The following UCK2 variants were observed in gnomAD, a reference collection of about 807,000 sequenced individuals.
UCK2 encodes the protein cytidine monophosphokinase 2.
A neutral mutation model predicts 30.8 loss-of-function variants in UCK2; 6 were observed. The ratio of observed to expected loss-of-function variants is 0.19; its 90% CI spans 0.11 to 0.38. The LOEUF is 0.38. Ranked by LOEUF, UCK2 falls within the 10% of genes least tolerant of loss-of-function variation. The probability of loss-of-function intolerance (pLI) is 1.00; values close to 1 mark genes in which losing one functional copy is unlikely to be tolerated. For synonymous variants in UCK2, 125 were observed against 133.6 expected, an observed-to-expected ratio of 0.94 and a Z score of 0.45; for missense variants, 210 against 339.8, an observed-to-expected ratio of 0.62 and a Z score of 3.00.
At chr1:165,884,330 C>G (rs55774748) in intron 1 of UCK2, among the ~76,000 whole-genome samples, 6,841 of 152,358 alleles carry the variant, frequency 0.045, 251 homozygotes, top group South Asian at 0.15. Flanking sequence ...TTTCTTCCCT[C>G]TGAGCAGCCC....
chr1:165,863,301 G>A (rs1654965000), intron 1 of UCK2, among the ~76,000 whole-genome samples: 1 of 152,236 alleles, frequency 6.6e-6, no homozygotes, highest in African/African-American at 2.4e-5. Context: ...GCCATTTGTT[G>A]TGAATGGCGT....
At chr1:165,896,433 A>T in intron 4 of UCK2, 101 bp downstream of exon 4, 1 of 1,395,252 alleles carries the variant, frequency 7.2e-7, no homozygotes, top group Non-Finnish European at 9.9e-7. Flanking sequence ...TCTGAAGCCC[A>T]TGCCTTCCCT....
At chr1:165,845,041 C>T (rs574401368) in intron 1 of UCK2, among the ~76,000 whole-genome samples, 1 of 152,244 alleles carries the variant, frequency 6.6e-6, no homozygotes, top group East Asian at 1.9e-4. Context: ...CATGAGAACC[C>T]TGATTTAAAA....
At position 165,909,797 on chromosome 1, in the gene UCK2, A is replaced by T; in HGVS notation, c.*1974A>T. On this transcript the variant is annotated 3_prime_UTR_variant, in exon 7 of 7. Transcript: ENST00000367879. The stretch of plus-strand genomic sequence containing the variant: ...GCCTGGGTTAGTATCCTGAGGACAC[A>T]GGGCCCCTGGCCTTGATGGCACTGG... 1 of 152,492 alleles carries T rather than the reference A, an allele frequency of 6.6e-6. No individual in the cohort carries two copies. The highest frequency in any genetic ancestry group is 1.5e-5 in the Non-Finnish European group (1 of 68,142). The allele number at this position is 152,492 out of a possible 1,614,324, so 9.4% of individuals were successfully genotyped here. A position where few individuals can be genotyped will look rare whatever the true frequency, so the allele number is the denominator to read the frequency against.
chr1:165,856,135 T>C (rs992466766), intron 1 of UCK2, among the ~76,000 whole-genome samples: 2 of 152,212 alleles, frequency 1.3e-5, no homozygotes, highest in African/African-American at 4.8e-5. Context: ...ATAAAAAACA[T>C]TTATTACATA....
rs1463050873 is a variant in UCK2, at chr1:165,907,920, G to C, written c.*97G>C. The C allele has an allele frequency of 6.9e-7, 1 of 1,439,754 alleles. No individual in the cohort carries two copies. The allele number at this position is 1,439,754 out of a possible 1,614,324, so 89.2% of individuals were successfully genotyped here. On this transcript the variant is annotated 3_prime_UTR_variant, in exon 7 of 7. Coordinates refer to ENST00000367879, the MANE Select transcript of UCK2 (RefSeq NM_012474.5). ...ACATACTGTTTCCTATGACATTACT[G>C]TATTTAAGAAAACACCATGGAGATG...
chr1:165,906,020 G>A (rs1328435718), intron 6 of UCK2, 51 bp downstream of exon 6: 2 of 1,575,210 alleles, frequency 1.3e-6, no homozygotes, highest in Non-Finnish European at 1.7e-6. Flanking sequence ...CCCTTTGTCA[G>A]TCATAATTTG....
chr1:165,883,954 T>C (rs1655558718), intron 1 of UCK2, among the ~76,000 whole-genome samples: 1 of 152,206 alleles, frequency 6.6e-6, no homozygotes, highest in Admixed American at 6.5e-5. Flanking sequence ...ACTGGTGCTT[T>C]GGTTTTCTAA....
Position 165,844,546 on chromosome 1 carries a change from G to A in UCK2, c.99+16614G>A, listed in dbSNP as rs1412163687. On this transcript the variant is annotated intron_variant, in intron 1 of 6. Transcript: ENST00000367879. ...CCTTAGAATTTCCCAGGTGATAGGA[G>A]CATCTTTTGTTCTAACAAGATAACT... Among the ~76,000 whole-genome samples, 4 of 152,306 alleles carry A rather than the reference G, an allele frequency of 2.6e-5. No homozygotes were observed. The East Asian group carries it at 7.7e-4, about 29-fold the overall frequency.
chr1:165,873,504 A>G (rs547770013), intron 1 of UCK2, among the ~76,000 whole-genome samples: 17 of 152,332 alleles, frequency 1.1e-4, no homozygotes, highest in Admixed American at 3.9e-4. Context: ...TTTTTTAATA[A>G]TGAGAAAAAG....
At chr1:165,858,459 C>T (rs540310156) in intron 1 of UCK2, among the ~76,000 whole-genome samples, 1 of 152,294 alleles carries the variant, frequency 6.6e-6, no homozygotes, top group South Asian at 2.1e-4. Flanking sequence ...GCTCGATTTG[C>T]TGACAGGTGA....
chr1:165,869,349 G>T (rs2101869582), intron 1 of UCK2, among the ~76,000 whole-genome samples: 1 of 151,070 alleles, frequency 6.6e-6, no homozygotes, highest in East Asian at 1.9e-4. Context: ...CCTTCAATTT[G>T]TAAAAAAAAC....
chr1:165,875,843 A>G (rs1655319714), intron 1 of UCK2, among the ~76,000 whole-genome samples: 1 of 151,812 alleles, frequency 6.6e-6, no homozygotes, highest in Non-Finnish European at 1.5e-5. Context: ...CTATCCGGAA[A>G]CTCCCTGTAC....
chr1:165,836,730 T>C (rs1056037074), intron 1 of UCK2, among the ~76,000 whole-genome samples: 1 of 152,220 alleles, frequency 6.6e-6, no homozygotes, highest in African/African-American at 2.4e-5. Flanking sequence ...TGTGAAAAAG[T>C]ATGCTTGCTT....
chr1:165,871,387 T>G (rs148530607), intron 1 of UCK2, among the ~76,000 whole-genome samples: 1 of 152,208 alleles, frequency 6.6e-6, no homozygotes, highest in African/African-American at 2.4e-5. Context: ...TTAGCATGTG[T>G]GCAGCTGTGG....
chr1:165,853,380 A>G (rs1267395898), intron 1 of UCK2, among the ~76,000 whole-genome samples: 2 of 152,166 alleles, frequency 1.3e-5, no homozygotes, highest in Non-Finnish European at 2.9e-5. Context: ...TTTCATTTAA[A>G]AAAAATTCCA....
chr1:165,884,580 A>C (rs1655574635), intron 1 of UCK2, among the ~76,000 whole-genome samples: 2 of 152,170 alleles, frequency 1.3e-5, no homozygotes, highest in Admixed American at 6.5e-5. Context: ...AGGGTATATG[A>C]CAAAGAGGCG....
chr1:165,896,068 C>A, intron 3 of UCK2, 122 bp from the exon 4 acceptor site: 1 of 1,292,564 alleles, frequency 7.7e-7, no homozygotes, highest in Non-Finnish European at 1.1e-6. Flanking sequence ...CTTTAGCCCC[C>A]GCTTGAAGTC....
At chr1:165,877,858 A>G (rs1343944529) in intron 1 of UCK2, among the ~76,000 whole-genome samples, 1 of 152,076 alleles carries the variant, frequency 6.6e-6, no homozygotes. Flanking sequence ...TTCCTAGCAA[A>G]ATTGAGGAAA....
Sources: allele counts gnomAD v4.1 joint callset (sites outside exome capture counted in the v4.1 genomes callset), GRCh38; gene constraint gnomAD v4.1.1; transcripts MANE v1.5; gene names NCBI Gene and HGNC (gene_info 2026-07-23, HGNC 2026-07-21).